The following MAF variants were observed in gnomAD, a reference collection of about 807,000 sequenced individuals.
MAF encodes the protein MAF bZIP transcription factor, also known as transcription factor Maf.
MAF carries 10 observed loss-of-function variants against 22.0 expected under a neutral mutation model. The observed-to-expected ratio is 0.45, with a 90% CI of 0.28 to 0.77. The LOEUF (loss-of-function observed/expected upper bound fraction) is 0.77. MAF is among the 30% of genes least tolerant of loss of function. The probability of loss-of-function intolerance (pLI) is 0.12; values close to 1 mark genes in which losing one functional copy is unlikely to be tolerated. For synonymous variants in MAF, 337 were observed against 255.8 expected, an observed-to-expected ratio of 1.32 and a Z score of -3.03; for missense variants, 544 against 548.4, an observed-to-expected ratio of 0.99 and a Z score of 0.08.
At chr16:79,411,986 C>T in the MAF span, among the ~76,000 whole-genome samples, 1 of 152,134 alleles carries the variant, frequency 6.6e-6, no homozygotes, top group Non-Finnish European at 1.5e-5. Context: ...GCTGTTGTTA[C>T]CAGTACCACG....
chr16:79,214,714 T>C, the MAF span, among the ~76,000 whole-genome samples: 11 of 121,770 alleles, frequency 9.0e-5, no homozygotes, highest in African/African-American at 3.4e-4. Flanking sequence ...TTTTTTTTTT[T>C]TTTTTTTTTT....
At chr16:79,335,183 CA>C in the MAF span, among the ~76,000 whole-genome samples, 7,456 of 86,248 alleles carry the variant, frequency 0.086, 296 homozygotes, top group African/African-American at 0.2. Flanking sequence ...GACTCCATCT[CA>C]AAAAAAAAAA....
the MAF span, among the ~76,000 whole-genome samples, chr16:79,405,898 A>G: frequency 1.3e-5 from 2 of 152,138 alleles, no homozygotes; most frequent in Non-Finnish European, 1.5e-5. Context: ...TCCCATTTCA[A>G]TGCACACCAT....
chr16:79,452,373 T>C, the MAF span, among the ~76,000 whole-genome samples: 2 of 152,200 alleles, frequency 1.3e-5, no homozygotes, highest in Non-Finnish European at 2.9e-5. Flanking sequence ...ACTACATATA[T>C]GCAATTTAAA....
At chr16:79,370,721 G>C in the MAF span, among the ~76,000 whole-genome samples, 1 of 152,162 alleles carries the variant, frequency 6.6e-6, no homozygotes, top group African/African-American at 2.4e-5. Context: ...CAGATCCACT[G>C]CTTTTCTCCG....
Position 79,600,054 on chromosome 16 carries a change from G to C in MAF, c.-152C>G, listed in dbSNP as rs3743596. ...CGGCGGTGGCTGGCCCGAAACCTCC[G>C]AGCGCGCTCACACACACACCCCCCC... On this transcript the variant is annotated 5_prime_UTR_variant, in exon 1 of 2. Transcript: ENST00000326043. The C allele has an allele frequency of 3.8e-6, 4 of 1,046,280 alleles. No individual in the cohort carries two copies. The highest frequency in any genetic ancestry group is 1.5e-5 in the South Asian group (1 of 64,730). The allele number at this position is 1,046,280 out of a possible 1,614,324, so 64.8% of individuals were successfully genotyped here.
At chr16:79,558,785 A>G in the MAF span, among the ~76,000 whole-genome samples, 1 of 152,018 alleles carries the variant, frequency 6.6e-6, no homozygotes, top group Non-Finnish European at 1.5e-5. Context: ...AAACAAAACA[A>G]TTTTCCCTGT....
chr16:79,212,248 A>G, the MAF span: 2 of 1,336,508 alleles, frequency 1.5e-6, no homozygotes, highest in Non-Finnish European at 2.0e-6. Flanking sequence ...GCATTGATCC[A>G]GGAGATAATT....
the MAF span, among the ~76,000 whole-genome samples, chr16:79,429,393 C>G: frequency 6.6e-6 from 1 of 152,180 alleles, no homozygotes; most frequent in African/African-American, 2.4e-5. Flanking sequence ...CTTTCTCTCT[C>G]TGCTTCATCT....
the MAF span, among the ~76,000 whole-genome samples, chr16:79,363,616 A>T: frequency 6.6e-6 from 1 of 152,178 alleles, no homozygotes; most frequent in African/African-American, 2.4e-5. Flanking sequence ...AAGTCAAACC[A>T]TGTTAAGTCC....
the MAF span, among the ~76,000 whole-genome samples, chr16:79,358,144 G>C: frequency 6.6e-6 from 1 of 152,200 alleles, no homozygotes; most frequent in African/African-American, 2.4e-5. Context: ...GCAGGGCCAG[G>C]AATTTTTCCC....
the MAF span, among the ~76,000 whole-genome samples, chr16:79,264,871 C>T: frequency 6.6e-6 from 1 of 152,270 alleles, no homozygotes; most frequent in East Asian, 1.9e-4. Flanking sequence ...CTCCACCCCA[C>T]AGTTCCCAAA....
chr16:79,312,215 T>C, the MAF span, among the ~76,000 whole-genome samples: 8 of 152,144 alleles, frequency 5.3e-5, no homozygotes, highest in African/African-American at 1.7e-4. Flanking sequence ...TTGACATTCC[T>C]CCATCATGAA....
At chr16:79,343,768 T>C in the MAF span, among the ~76,000 whole-genome samples, 1 of 152,186 alleles carries the variant, frequency 6.6e-6, no homozygotes, top group African/African-American at 2.4e-5. Context: ...GGATGGCAGA[T>C]TTTTCTGTCT....
chr16:79,387,705 T>A, the MAF span, among the ~76,000 whole-genome samples: 1 of 152,334 alleles, frequency 6.6e-6, no homozygotes, highest in South Asian at 2.1e-4. Flanking sequence ...CAAACTATAG[T>A]TCTAATGTTT....
the MAF span, among the ~76,000 whole-genome samples, chr16:79,386,538 C>T: frequency 6.6e-6 from 1 of 152,142 alleles, no homozygotes; most frequent in Non-Finnish European, 1.5e-5. Flanking sequence ...AGCTCACCTC[C>T]TGCTGTGTGG....
chr16:79,381,608 G>C, the MAF span, among the ~76,000 whole-genome samples: 1 of 152,146 alleles, frequency 6.6e-6, no homozygotes, highest in Non-Finnish European at 1.5e-5. Flanking sequence ...GGGAGAGTCG[G>C]GCAGGTTTTT....
At chr16:79,407,108 C>T in the MAF span, among the ~76,000 whole-genome samples, 1 of 152,220 alleles carries the variant, frequency 6.6e-6, no homozygotes, top group Non-Finnish European at 1.5e-5. Context: ...TGTCGTCTGG[C>T]AGTGCTATCC....
At chr16:79,359,183 G>A in the MAF span, among the ~76,000 whole-genome samples, 1 of 152,138 alleles carries the variant, frequency 6.6e-6, no homozygotes, top group African/African-American at 2.4e-5. Flanking sequence ...CAGTAGCTGG[G>A]GAATGGAGAA....
Sources: gnomAD v4.1 joint callset for allele counts (sites outside exome capture counted in the v4.1 genomes callset) on GRCh38, gnomAD v4.1.1 for gene constraint, MANE v1.5 for transcripts, NCBI Gene and HGNC (gene_info 2026-07-23, HGNC 2026-07-21) for gene names.